Variants in CSMD1 observed in about 807,000 individuals in gnomAD.
The protein encoded by CSMD1 is CUB and sushi domain-containing protein 1.
A neutral mutation model predicts 417.5 loss-of-function variants in CSMD1; 213 were observed. The observed-to-expected ratio is 0.51, with a 90% confidence interval of 0.46 to 0.57. The LOEUF (loss-of-function observed/expected upper bound fraction) is 0.57. Among genes scored for constraint, CSMD1 ranks in the 20% least tolerant of loss-of-function variants. CSMD1 has a pLI of 0.00. For missense variants in CSMD1, 6,923 were observed against 4,529.7 expected (o/e 1.53, Z -15.17); for synonymous variants, 2,862 against 1,736.8 (o/e 1.65, Z -16.11).
intron 2 of CSMD1, among the ~76,000 whole-genome samples, chr8:4,456,279 T>C (rs1043566322): frequency 5.3e-5 from 8 of 151,986 alleles, no homozygotes; most frequent in African/African-American, 1.7e-4. Flanking sequence ...TTAAGTGAGA[T>C]CTAAAAGCTG....
chr8:4,636,263 A>G (rs964101218), intron 2 of CSMD1, among the ~76,000 whole-genome samples: 1 of 152,308 alleles, frequency 6.6e-6, no homozygotes. Flanking sequence ...AATTGAAAAC[A>G]AAAAGTAGAT....
rs571073311 is a variant in CSMD1 at position 3,638,791 on chromosome 8, G to C, written c.1010-21994C>G. Among the ~76,000 whole-genome samples the C allele has an allele frequency of 2.3e-4, 35 of 152,228 alleles. No individual in the cohort carries two copies. In the East Asian group the frequency reaches 6.2e-3, roughly 27 times the overall value. On this transcript the variant is annotated intron_variant, in intron 7 of 69. Transcript: ENST00000635120. ...CCAAGAGAGAAACCAGCATGCATAG[G>C]TGACTCTGAGACTCCTCCCTCTCTC...
At chr8:3,091,916 A>T (rs2129008523) in intron 47 of CSMD1, among the ~76,000 whole-genome samples, 1 of 152,330 alleles carries the variant, frequency 6.6e-6, no homozygotes, top group South Asian at 2.1e-4. Flanking sequence ...CCTTGTCTAT[A>T]AAACAGCAGT....
chr8:3,454,179 A>T (rs1040313741), intron 12 of CSMD1, among the ~76,000 whole-genome samples: 2 of 151,842 alleles, frequency 1.3e-5, no homozygotes, highest in Non-Finnish European at 1.5e-5. Flanking sequence ...ATCTTTCTCC[A>T]CCTCTTTATT....
chr8:3,491,137 C>G (rs1530616), intron 11 of CSMD1, among the ~76,000 whole-genome samples: 113,181 of 151,948 alleles, frequency 0.74, 42,552 homozygotes, highest in African/African-American at 0.83. Context: ...TGAAAGAATG[C>G]GGTGAGAGCG....
At chr8:3,044,784 T>C (rs1218102441) in intron 50 of CSMD1, among the ~76,000 whole-genome samples, 1 of 152,230 alleles carries the variant, frequency 6.6e-6, no homozygotes, top group African/African-American at 2.4e-5. Flanking sequence ...TTGCATTTAC[T>C]ATTTATCAAA....
chr8:4,543,839 G>A (rs941019326), intron 2 of CSMD1, among the ~76,000 whole-genome samples: 1 of 152,072 alleles, frequency 6.6e-6, no homozygotes, highest in Non-Finnish European at 1.5e-5. Context: ...TAGGAATGTG[G>A]TGGTATCTGA....
chr8:4,673,360 G>T (rs536571877), intron 1 of CSMD1, among the ~76,000 whole-genome samples: 1 of 152,236 alleles, frequency 6.6e-6, no homozygotes, highest in African/African-American at 2.4e-5. Flanking sequence ...CCTTTGAAAG[G>T]GTTTAGCATG....
intron 12 of CSMD1, among the ~76,000 whole-genome samples, chr8:3,412,767 G>C (rs1388157471): frequency 1.3e-5 from 2 of 152,222 alleles, no homozygotes; most frequent in Non-Finnish European, 2.9e-5. Flanking sequence ...ATAGTTCTTG[G>C]AGTTTAGGTT....
At chr8:4,242,694 C>G (rs141310894) in intron 3 of CSMD1, among the ~76,000 whole-genome samples, 115 of 145,910 alleles carry the variant, frequency 7.9e-4, no homozygotes, top group Middle Eastern at 3.5e-3. Flanking sequence ...AGGGCTCACT[C>G]TGCTGTGAGT....
chr8:4,212,428 G>C (rs925605026), intron 3 of CSMD1, among the ~76,000 whole-genome samples: 2 of 152,036 alleles, frequency 1.3e-5, no homozygotes, highest in Non-Finnish European at 2.9e-5. Context: ...TAACGTCCCA[G>C]GTAGTTCAGA....
At chr8:3,206,213 G>T (rs1797243926) in intron 30 of CSMD1, among the ~76,000 whole-genome samples, 3 of 142,362 alleles carry the variant, frequency 2.1e-5, no homozygotes, top group African/African-American at 5.2e-5. Context: ...AATATAGAGA[G>T]GTGTGTGTGT....
chr8:4,368,752 A>G (rs1326684526), intron 3 of CSMD1, among the ~76,000 whole-genome samples: 1 of 152,152 alleles, frequency 6.6e-6, no homozygotes, highest in Non-Finnish European at 1.5e-5. Flanking sequence ...TTGTGTATAC[A>G]GAGGTGCTCA....
chr8:4,283,100 C>G (rs910964434), intron 3 of CSMD1, among the ~76,000 whole-genome samples: 1 of 152,058 alleles, frequency 6.6e-6, no homozygotes, highest in African/African-American at 2.4e-5. Context: ...TTTTAGCAGA[C>G]TTTAGAAATT....
intron 7 of CSMD1, among the ~76,000 whole-genome samples, chr8:3,624,720 A>T (rs1421209226): frequency 6.6e-6 from 1 of 152,186 alleles, no homozygotes; most frequent in East Asian, 1.9e-4. Flanking sequence ...ACTCTAGGAT[A>T]TGTGTTTGAG....
At chr8:3,680,901 C>T (rs1414884210) in intron 7 of CSMD1, among the ~76,000 whole-genome samples, 8 of 152,100 alleles carry the variant, frequency 5.3e-5, no homozygotes, top group South Asian at 2.1e-4. Flanking sequence ...AATCAGTAAA[C>T]GTAATCCAGC....
chr8:4,193,409 T>G (rs867133009), intron 3 of CSMD1, among the ~76,000 whole-genome samples: 4 of 151,774 alleles, frequency 2.6e-5, no homozygotes, highest in South Asian at 2.1e-4. Flanking sequence ...GGCTTCCAAG[T>G]CTGTTTGCTT....
intron 35 of CSMD1, among the ~76,000 whole-genome samples, chr8:3,188,477 T>A (rs368135714): frequency 6.6e-6 from 1 of 151,670 alleles, no homozygotes; most frequent in Non-Finnish European, 1.5e-5. Context: ...TGGCTAGTTT[T>A]TATATTTTTA....
In CSMD1 at chr8:3,957,879, G is replaced by A. The variant is rs986045185; in HGVS notation, c.818+40024C>T. On this transcript the variant is annotated intron_variant, in intron 5 of 69. Coordinates refer to ENST00000635120, the MANE Select transcript of CSMD1 (RefSeq NM_033225.6). ...GAGGCACATTTGGAGCCGATGTGGG[G>A]CTATCGCTGTATAATAATCTCCTTT... 9.2e-5 allele frequency among the ~76,000 whole-genome samples: 14 copies of A among 152,278 alleles called. No individual in the cohort carries two copies. In the South Asian group the frequency reaches 1.0e-3, roughly 11 times the overall value.
Sources: allele counts gnomAD v4.1 joint callset (sites outside exome capture counted in the v4.1 genomes callset), GRCh38; gene constraint gnomAD v4.1.1; transcripts MANE v1.5; gene names NCBI Gene and HGNC (gene_info 2026-07-23, HGNC 2026-07-21).